DNAI4: variants seen among roughly 807,000 people sequenced by gnomAD.
DNAI4 encodes dynein axonemal intermediate chain 4.
A neutral mutation model predicts 105.8 loss-of-function variants in DNAI4; 85 were observed. That is an observed-to-expected ratio of 0.80 (90% CI 0.67 to 0.96). The LOEUF (loss-of-function observed/expected upper bound fraction) is 0.96. DNAI4 is among the 40% of genes least tolerant of loss of function. The pLI is 0.00. For missense variants in DNAI4, 1,014 were observed against 1,005.6 expected (o/e 1.01, Z -0.11); for synonymous variants, 352 against 331.5 (o/e 1.06, Z -0.67).
chr1:66,883,643 T>C (rs1569753752), intron 4 of DNAI4, among the ~76,000 whole-genome samples: 1 of 152,208 alleles, frequency 6.6e-6, no homozygotes, highest in Non-Finnish European at 1.5e-5. Flanking sequence ...TGTGACATAA[T>C]TTTTAAAATA....
chr1:66,839,691 T>C (rs1490969344), intron 9 of DNAI4, among the ~76,000 whole-genome samples: 1 of 152,248 alleles, frequency 6.6e-6, no homozygotes. Flanking sequence ...AATTACTCTA[T>C]AATTATCTCT....
rs761519835 is a variant in DNAI4 at position 66,893,311 on chromosome 1, C to T, written c.448G>A (p.Gly150Arg). 3 of 1,610,488 alleles carry T rather than the reference C, an allele frequency of 1.9e-6. No homozygotes were observed. Among genetic ancestry groups the T allele is most frequent in the Non-Finnish European group, 2.5e-6 (3 of 1,178,076 alleles). ...GATATAAATTCTGATCCAAGTGATCCTTCTTGTGATGTCAAGAGTTTACTT... is the reference window on the plus strand; with the variant it reads ...GATATAAATTCTGATCCAAGTGATCTTTCTTGTGATGTCAAGAGTTTACTT... ...KPSKLLTSQE[G>R]SLGSEFISSY... The change falls in exon 3 of 17, where the codon GGA (glycine) becomes AGA (arginine). Residue 150 changes from glycine (G) to arginine (R), a missense_variant. Coordinates refer to ENST00000371026, the MANE Select transcript of DNAI4 (RefSeq NM_024763.5).
intron 15 of DNAI4, among the ~76,000 whole-genome samples, chr1:66,822,997 C>A (rs111682951): frequency 6.6e-6 from 1 of 151,866 alleles, no homozygotes; most frequent in Non-Finnish European, 1.5e-5. Flanking sequence ...CATGCTGGTG[C>A]GCTGCACCCA....
At position 66,862,420 on chromosome 1, in the gene DNAI4, G is replaced by GT. The variant is rs550064639; in HGVS notation, c.941-119dup. ...AGAATATCTACTATTGCCTGATGCA[G>GT]TTGCCCGTGCCAGCTACTTGGTCCA... is the stretch of plus-strand genomic sequence containing the variant. On this transcript the variant is annotated intron_variant, in intron 6 of 16. Coordinates refer to ENST00000371026, the MANE Select transcript of DNAI4 (RefSeq NM_024763.5). 2.0e-4 allele frequency: 223 copies of GT among 1,108,386 alleles called. 2 individuals carry two copies. In the East Asian group the frequency reaches 4.0e-3, roughly 20 times the overall value. The allele number at this position is 1,108,386 out of a possible 1,614,324, so 68.7% of individuals were successfully genotyped here. A position where few individuals can be genotyped will look rare whatever the true frequency, so the allele number is the denominator to read the frequency against.
chr1:66,919,671 A>T (rs1413572149), intron 1 of DNAI4, among the ~76,000 whole-genome samples: 6 of 152,174 alleles, frequency 3.9e-5, no homozygotes, highest in Admixed American at 2.6e-4. Context: ...ATCTTTCTAA[A>T]ATATACCTAG....
At chr1:66,825,273 G>A (rs370435855) in intron 15 of DNAI4, among the ~76,000 whole-genome samples, 1,920 of 146,278 alleles carry the variant, frequency 0.013, 33 homozygotes, top group African/African-American at 0.046. Context: ...TCCGCTTCCC[G>A]GGTTCACGCC....
chr1:66,835,616 G>A lies in DNAI4; in HGVS notation c.1733+10C>T, dbSNP rs375445997. 2.2e-5 allele frequency: 35 copies of A among 1,612,162 alleles called. No individual in the cohort carries two copies. Among genetic ancestry groups the A allele is most frequent in the African/African-American group, 6.7e-5 (5 of 74,910 alleles). On this transcript the variant is annotated intron_variant, in intron 11 of 16. Coordinates refer to ENST00000371026, the MANE Select transcript of DNAI4 (RefSeq NM_024763.5). ...TGTATTATACATTTATCTAATTCTC[G>A]GATTCTTACCTACTATCCAGAACTG...
chr1:66,907,582 T>C (rs754285322), intron 1 of DNAI4, among the ~76,000 whole-genome samples: 15 of 152,232 alleles, frequency 9.9e-5, no homozygotes, highest in South Asian at 2.1e-4. Flanking sequence ...ATGGTTTCAA[T>C]GACCACAAGT....
At chr1:66,814,227 A>T (rs1166579553) in intron 16 of DNAI4, 47 bp from the exon 17 acceptor site, 1 of 1,467,256 alleles carries the variant, frequency 6.8e-7, no homozygotes, top group East Asian at 2.3e-5. Flanking sequence ...AATGCAAATT[A>T]AAAGGTAAAG....
intron 1 of DNAI4, among the ~76,000 whole-genome samples, chr1:66,907,834 T>A (rs1249328466): frequency 6.6e-6 from 1 of 152,192 alleles, no homozygotes; most frequent in Admixed American, 6.5e-5. Context: ...GTGGCTTTTG[T>A]TTTTAGAAGG....
chr1:66,816,317 T>C (rs1645514526), intron 16 of DNAI4, among the ~76,000 whole-genome samples: 1 of 152,184 alleles, frequency 6.6e-6, no homozygotes, highest in South Asian at 2.1e-4. Context: ...GCCTTTATCA[T>C]AAATTTGGTG....
At chr1:66,851,315 AC>A (rs1572649214) in intron 7 of DNAI4, among the ~76,000 whole-genome samples, 2 of 152,040 alleles carry the variant, frequency 1.3e-5, no homozygotes, top group East Asian at 3.9e-4. Context: ...ATGCAAAAAA[AC>A]AAGGCTATAA....
intron 6 of DNAI4, among the ~76,000 whole-genome samples, chr1:66,870,171 C>T (rs1569669796): frequency 6.6e-6 from 1 of 152,100 alleles, no homozygotes; most frequent in East Asian, 1.9e-4. Context: ...TGGCCAGGCG[C>T]GGTGGCTCAT....
chr1:66,837,648 A>T, intron 10 of DNAI4, 62 bp downstream of exon 10: 1 of 1,475,896 alleles, frequency 6.8e-7, no homozygotes, highest in Non-Finnish European at 9.3e-7. Flanking sequence ...ATGTAATTAT[A>T]TATTTTATGA....
intron 13 of DNAI4, 31 bp downstream of exon 13, chr1:66,833,554 T>C (rs779693188): frequency 1.2e-6 from 2 of 1,609,328 alleles, no homozygotes; most frequent in African/African-American, 2.7e-5. Flanking sequence ...AATTGTTATG[T>C]CCAGTGGTAA....
At chr1:66,826,677 T>C (rs1645760402) in intron 15 of DNAI4, 143 bp downstream of exon 15, 1 of 680,654 alleles carries the variant, frequency 1.5e-6, no homozygotes, top group Non-Finnish European at 2.5e-6. Flanking sequence ...ATCCTGGCAT[T>C]ATCTTTATTC....
chr1:66,892,999 G>GAGAGAGGAAAGAA (rs1647857084), intron 3 of DNAI4, among the ~76,000 whole-genome samples: 5 of 70,246 alleles, frequency 7.1e-5, no homozygotes, highest in African/African-American at 3.1e-4. Flanking sequence ...GAAAGAAAGA[G>GAGAGAGGAAAGAA]AGAAAGAGAG....
rs1448347774 is a variant in DNAI4 at position 66,862,177 on chromosome 1, G to C, written c.1066C>G (p.Gln356Glu). ...KANVLPKDQDQRLPGSTTEKN... is the reference protein window; with the variant it reads ...KANVLPKDQDERLPGSTTEKN... ...TCTGTAGTGCTCCCTGGCAATCTTTGGTCCTGATCTTTAGGAAGTACATTT... is the reference window on the plus strand; with the variant it reads ...TCTGTAGTGCTCCCTGGCAATCTTTCGTCCTGATCTTTAGGAAGTACATTT... Residue 356 changes from glutamine to glutamate, a missense_variant, in exon 7 of 17, where the codon CAA (glutamine) becomes GAA (glutamate). Gln to Glu is a conservative substitution (Grantham distance 29, BLOSUM62 2). Transcript: ENST00000371026. 1 of 1,592,986 alleles carries C rather than the reference G, an allele frequency of 6.3e-7. No individual in the cohort carries two copies. Among genetic ancestry groups the C allele is most frequent in the Non-Finnish European group, 8.5e-7 (1 of 1,173,090 alleles).
intron 1 of DNAI4, among the ~76,000 whole-genome samples, chr1:66,910,835 C>A (rs780924042): frequency 1.5e-4 from 23 of 152,168 alleles, no homozygotes; most frequent in Admixed American, 1.5e-3. Context: ...ATCCCTAATG[C>A]TTACAACAGT....
Sources: allele counts gnomAD v4.1 joint callset (sites outside exome capture counted in the v4.1 genomes callset), GRCh38; gene constraint gnomAD v4.1.1; transcripts MANE v1.5; gene names NCBI Gene and HGNC (gene_info 2026-07-23, HGNC 2026-07-21).